Variants in KCNMA1 observed in about 807,000 individuals in gnomAD.
KCNMA1 encodes the protein Calcium-activated potassium channel subunit alpha-1.
In KCNMA1, 29 loss-of-function variants were observed where a neutral mutation model predicts 140.0. The observed-to-expected ratio is 0.21, with a 90% confidence interval of 0.15 to 0.28. KCNMA1 has a LOEUF of 0.28. Among genes scored for constraint, KCNMA1 ranks in the 10% least tolerant of loss-of-function variants. The pLI is 1.00. For synonymous variants in KCNMA1, 612 were observed against 611.9 expected, an observed-to-expected ratio of 1.00 and a Z score of 0.00; for missense variants, 880 against 1,602.2, an observed-to-expected ratio of 0.55 and a Z score of 7.70.
intron 12 of KCNMA1, among the ~76,000 whole-genome samples, chr10:77,083,794 C>A (rs1369130368): frequency 2.7e-5 from 4 of 150,178 alleles, no homozygotes; most frequent in African/African-American, 9.9e-5. Context: ...ATGATTGAGT[C>A]CCTGCACTCC....
intron 2 of KCNMA1, among the ~76,000 whole-genome samples, chr10:77,308,850 C>T (rs1207323502): frequency 2.0e-5 from 3 of 152,172 alleles, no homozygotes; most frequent in Non-Finnish European, 4.4e-5. Flanking sequence ...GAGAAAGAAT[C>T]CCAAATTAAC....
chr10:77,220,719 G>T (rs1361864408), intron 3 of KCNMA1, among the ~76,000 whole-genome samples: 1 of 151,998 alleles, frequency 6.6e-6, no homozygotes, highest in African/African-American at 2.4e-5. Flanking sequence ...CAAGCTCTTG[G>T]ATCTGGTCCT....
intron 23 of KCNMA1, among the ~76,000 whole-genome samples, chr10:76,931,162 GCA>G (rs371987153): frequency 1.3e-5 from 2 of 151,788 alleles, no homozygotes; most frequent in Admixed American, 6.6e-5. Context: ...ACACACCCGG[GCA>G]CACACACACA....
intron 23 of KCNMA1, among the ~76,000 whole-genome samples, chr10:76,933,950 T>G (rs1591167167): frequency 1.3e-5 from 2 of 152,264 alleles, no homozygotes; most frequent in South Asian, 2.1e-4. Context: ...TCTTTCTTTC[T>G]TTCTTTTTCT....
intron 5 of KCNMA1, among the ~76,000 whole-genome samples, chr10:77,135,041 C>CAAAAAAAAAAAAAAAAAAAA (rs1554861124): frequency 1.4e-5 from 1 of 71,230 alleles, no homozygotes; most frequent in Non-Finnish European, 3.0e-5. Context: ...AAGAAAGAAT[C>CAAAAAAAAAAAAAAAAAAAA]AACGGAGTGA....
At chr10:76,896,426 C>T (rs985585042) in intron 25 of KCNMA1, among the ~76,000 whole-genome samples, 3 of 152,150 alleles carry the variant, frequency 2.0e-5, no homozygotes, top group Admixed American at 6.5e-5. Flanking sequence ...ATTGTTCAAA[C>T]ACACATGCTT....
intron 1 of KCNMA1, among the ~76,000 whole-genome samples, chr10:77,451,607 T>C (rs2097661564): frequency 6.6e-6 from 1 of 152,162 alleles, no homozygotes; most frequent in South Asian, 2.1e-4. Flanking sequence ...AAGGAGGTGA[T>C]TCACAAACTG....
chr10:77,177,241 T>TCTTC (rs917532861), intron 5 of KCNMA1, among the ~76,000 whole-genome samples: 4 of 152,046 alleles, frequency 2.6e-5, no homozygotes, highest in African/African-American at 7.2e-5. Flanking sequence ...CCTCTCTCTT[T>TCTTC]CTTCCTTCCT....
At chr10:77,609,193 C>T (rs2085749547) in intron 1 of KCNMA1, among the ~76,000 whole-genome samples, 1 of 152,224 alleles carries the variant, frequency 6.6e-6, no homozygotes, top group African/African-American at 2.4e-5. Flanking sequence ...TCGAACCTAT[C>T]TAAGTGCCCA....
intron 3 of KCNMA1, among the ~76,000 whole-genome samples, chr10:77,197,601 T>C (rs1010883518): frequency 2.0e-5 from 3 of 152,158 alleles, no homozygotes; most frequent in African/African-American, 7.2e-5. Context: ...CTTCAGTGTA[T>C]TGGAATGCTC....
At chr10:77,098,024 T>C (rs1264758886) in intron 9 of KCNMA1, among the ~76,000 whole-genome samples, 2 of 152,160 alleles carry the variant, frequency 1.3e-5, no homozygotes, top group Non-Finnish European at 2.9e-5. Context: ...GGGCCAAAAC[T>C]TTGCATCTTA....
intron 1 of KCNMA1, among the ~76,000 whole-genome samples, chr10:77,448,195 G>A (rs4980147): frequency 0.053 from 8,045 of 152,228 alleles, 703 homozygotes; most frequent in African/African-American, 0.18. Context: ...GTTGAAGCTC[G>A]GTGGGGCAGC....
In KCNMA1 at chr10:77,255,781, C is replaced by T. The variant is rs374644215; in HGVS notation, c.541-4525G>A. On this transcript the variant is annotated intron_variant, in intron 2 of 27. Transcript: ENST00000286628. Reference sequence around the variant, plus strand: ...ATAAAAAGTTAGCCAGGCATGGTGGCGCTCACCTGTATTCCCAGCTACTCA... The same window carrying T: ...ATAAAAAGTTAGCCAGGCATGGTGGTGCTCACCTGTATTCCCAGCTACTCA... Among the ~76,000 whole-genome samples, 16 of 151,528 alleles carry T rather than the reference C, an allele frequency of 1.1e-4. No individual in the cohort carries two copies. The South Asian group carries it at 1.3e-3, about 12-fold the overall frequency.
At chr10:76,894,144 A>G (rs1357031957) in intron 25 of KCNMA1, among the ~76,000 whole-genome samples, 1 of 152,204 alleles carries the variant, frequency 6.6e-6, no homozygotes, top group African/African-American at 2.4e-5. Context: ...ACCAATGGAA[A>G]ATAATTGAAA....
chr10:77,158,169 G>T (rs2098509928), intron 5 of KCNMA1, among the ~76,000 whole-genome samples: 1 of 152,196 alleles, frequency 6.6e-6, no homozygotes, highest in African/African-American at 2.4e-5. Context: ...TTTGAGGCAG[G>T]TCATCATCCT....
At chr10:77,428,274 C>T (rs958567718) in intron 1 of KCNMA1, among the ~76,000 whole-genome samples, 1 of 152,116 alleles carries the variant, frequency 6.6e-6, no homozygotes, top group African/African-American at 2.4e-5. Flanking sequence ...TGACAGAGCC[C>T]CTGCTCATCA....
At chr10:76,892,053 AC>A (rs2040331053) in intron 25 of KCNMA1, among the ~76,000 whole-genome samples, 1 of 152,162 alleles carries the variant, frequency 6.6e-6, no homozygotes, top group Non-Finnish European at 1.5e-5. Flanking sequence ...CTACGTGACT[AC>A]TATGAGATTC....
At chr10:77,235,909 T>A (rs2055268204) in intron 3 of KCNMA1, among the ~76,000 whole-genome samples, 1 of 152,030 alleles carries the variant, frequency 6.6e-6, no homozygotes, top group Admixed American at 6.5e-5. Flanking sequence ...GCCCTTGGAG[T>A]GTCATGCCTG....
intron 2 of KCNMA1, among the ~76,000 whole-genome samples, chr10:77,298,227 C>T (rs996959074): frequency 1.3e-5 from 2 of 152,038 alleles, no homozygotes; most frequent in African/African-American, 4.8e-5. Flanking sequence ...TCAGAAATAC[C>T]TGGGGAGCTT....
Sources: allele counts gnomAD v4.1 joint callset (sites outside exome capture counted in the v4.1 genomes callset), GRCh38; gene constraint gnomAD v4.1.1; transcripts MANE v1.5; gene names NCBI Gene and HGNC (gene_info 2026-07-23, HGNC 2026-07-21).